The following CPA6 variants were observed in gnomAD, a reference collection of about 807,000 sequenced individuals.
CPA6 encodes carboxypeptidase B.
Under a neutral mutation model 63.3 loss-of-function variants are expected in CPA6, and 58 were observed. That is an observed-to-expected ratio of 0.92 (90% confidence interval 0.74 to 1.14). The LOEUF (loss-of-function observed/expected upper bound fraction) is 1.14. CPA6 is among the 50% of genes most tolerant of loss of function. The probability of loss-of-function intolerance (pLI) is 0.00; values close to 1 mark genes in which losing one functional copy is unlikely to be tolerated. For missense variants in CPA6, 565 were observed against 526.6 expected (o/e 1.07, Z -0.71); for synonymous variants, 185 against 179.0 (o/e 1.03, Z -0.27).
rs1228904142 is a variant in CPA6 at position 67,746,028 on chromosome 8, G to C, written c.102C>G (p.Asn34Lys). Residue 34 changes from asparagine to lysine, a missense_variant, in exon 1 of 11, where the codon AAC becomes AAG. Physicochemically the swap from Asn to Lys is moderately conservative, Grantham distance 94. Coordinates refer to ENST00000297770, the MANE Select transcript of CPA6 (RefSeq NM_020361.5). ...GCTCCACTTACCCAGCATAGCGGTT[G>C]TTATAAAGGTGGCTGTGCCCCGGTT... ...ILQPGHSHLY[N>K]NRYAGDKVIR... 1 of 1,613,354 alleles carries C rather than the reference G, an allele frequency of 6.2e-7. No individual in the cohort carries two copies. Among genetic ancestry groups the C allele is most frequent in the Admixed American group, 1.7e-5 (1 of 60,002 alleles).
chr8:67,719,063 A>G (rs1260666864), intron 1 of CPA6, among the ~76,000 whole-genome samples: 1 of 152,158 alleles, frequency 6.6e-6, no homozygotes, highest in African/African-American at 2.4e-5. Flanking sequence ...TTGAATTGAA[A>G]ATCATGATCA....
intron 1 of CPA6, among the ~76,000 whole-genome samples, chr8:67,638,107 G>A (rs939571867): frequency 6.6e-6 from 1 of 151,154 alleles, no homozygotes; most frequent in African/African-American, 2.5e-5. Flanking sequence ...AATGAGTGAA[G>A]CTAACACTGG....
chr8:67,470,027 CCTTT>C (rs1811021424), intron 8 of CPA6, among the ~76,000 whole-genome samples: 3 of 150,346 alleles, frequency 2.0e-5, no homozygotes, highest in African/African-American at 7.3e-5. Context: ...GATCATGTTT[CCTTT>C]TTTTTTTTTC....
chr8:67,578,384 C>T (rs1242198137), intron 2 of CPA6, among the ~76,000 whole-genome samples: 4 of 152,226 alleles, frequency 2.6e-5, no homozygotes, highest in Non-Finnish European at 5.9e-5. Context: ...AAATGTAACA[C>T]AATCACCTTC....
intron 2 of CPA6, among the ~76,000 whole-genome samples, chr8:67,552,216 A>T (rs1256176260): frequency 2.0e-5 from 3 of 152,226 alleles, no homozygotes; most frequent in Non-Finnish European, 4.4e-5. Flanking sequence ...GGCAGCATAC[A>T]CATCTAAGTA....
At chr8:67,646,321 T>C (rs1815712717) in intron 1 of CPA6, among the ~76,000 whole-genome samples, 1 of 152,246 alleles carries the variant, frequency 6.6e-6, no homozygotes, top group Non-Finnish European at 1.5e-5. Flanking sequence ...CTGGCTTTCA[T>C]GGGCTGAGAA....
At chr8:67,521,761 CA>C (rs996293870) in intron 2 of CPA6, among the ~76,000 whole-genome samples, 8 of 152,242 alleles carry the variant, frequency 5.3e-5, no homozygotes, top group African/African-American at 1.9e-4. Context: ...TAAACAGTTG[CA>C]GGAAAGTTTC....
chr8:67,625,575 C>G (rs1012357844), intron 1 of CPA6, among the ~76,000 whole-genome samples: 2 of 152,100 alleles, frequency 1.3e-5, no homozygotes, highest in African/African-American at 4.8e-5. Flanking sequence ...AGAGTAGATG[C>G]TTATTAAATA....
chr8:67,584,072 C>T (rs949207660), intron 2 of CPA6, among the ~76,000 whole-genome samples: 4 of 152,086 alleles, frequency 2.6e-5, no homozygotes, highest in Non-Finnish European at 5.9e-5. Flanking sequence ...GCAGGAGAAT[C>T]GCTTGAACCA....
intron 1 of CPA6, among the ~76,000 whole-genome samples, chr8:67,707,913 CAAA>C (rs35572918): frequency 7.9e-6 from 1 of 126,898 alleles, no homozygotes; most frequent in Admixed American, 8.3e-5. Flanking sequence ...GACTCCATCT[CAAA>C]AAAAAAAAAA....
intron 8 of CPA6, among the ~76,000 whole-genome samples, chr8:67,442,499 G>A (rs1359274683): frequency 2.0e-5 from 3 of 152,030 alleles, no homozygotes; most frequent in Admixed American, 6.6e-5. Context: ...AAATCTAGAG[G>A]GATAGATATG....
chr8:67,624,015 TAAAAC>T (rs1469095653), intron 2 of CPA6, among the ~76,000 whole-genome samples, 156 bp downstream of exon 2: 92 of 151,940 alleles, frequency 6.1e-4, no homozygotes, highest in African/African-American at 2.2e-3. Flanking sequence ...TAAAATAAAA[TAAAAC>T]AAAATAAAAT....
intron 2 of CPA6, among the ~76,000 whole-genome samples, chr8:67,619,976 T>C (rs1469480719): frequency 6.6e-6 from 1 of 152,190 alleles, no homozygotes; most frequent in Non-Finnish European, 1.5e-5. Flanking sequence ...TACTGCACAA[T>C]GGGCAATCAA....
chr8:67,699,176 G>C (rs1232857820), intron 1 of CPA6, among the ~76,000 whole-genome samples: 2 of 152,172 alleles, frequency 1.3e-5, no homozygotes, highest in Non-Finnish European at 2.9e-5. Flanking sequence ...CCAGCACCTT[G>C]GGAGGCCGAG....
chr8:67,576,561 A>T (rs1381280939), intron 2 of CPA6, among the ~76,000 whole-genome samples: 2 of 152,238 alleles, frequency 1.3e-5, no homozygotes, highest in Non-Finnish European at 2.9e-5. Context: ...TACGTGCTCC[A>T]CTATCAAGCA....
At chr8:67,600,135 T>C (rs1189319944) in intron 2 of CPA6, among the ~76,000 whole-genome samples, 1 of 151,978 alleles carries the variant, frequency 6.6e-6, no homozygotes, top group East Asian at 1.9e-4. Context: ...TACTTTAAGT[T>C]TTAGCAGACA....
chr8:67,652,873 G>A (rs1282047770), intron 1 of CPA6, among the ~76,000 whole-genome samples: 5 of 149,376 alleles, frequency 3.3e-5, no homozygotes, highest in Non-Finnish European at 7.5e-5. Context: ...ATGGTTTTAG[G>A]TCTAACATTT....
chr8:67,657,124 G>A (rs1816004177), intron 1 of CPA6, among the ~76,000 whole-genome samples: 1 of 152,144 alleles, frequency 6.6e-6, no homozygotes. Flanking sequence ...GAGTATGGTT[G>A]CAAATCTCAA....
At chr8:67,488,211 T>C (rs1811525919) in intron 6 of CPA6, among the ~76,000 whole-genome samples, 1 of 152,206 alleles carries the variant, frequency 6.6e-6, no homozygotes, top group Non-Finnish European at 1.5e-5. Context: ...CTTTAATCCA[T>C]CTTGAATTAA....
Sources: allele counts gnomAD v4.1 joint callset (sites outside exome capture counted in the v4.1 genomes callset), GRCh38; gene constraint gnomAD v4.1.1; transcripts MANE v1.5; gene names NCBI Gene and HGNC (gene_info 2026-07-23, HGNC 2026-07-21).